Variants in A1CF observed in about 807,000 individuals in gnomAD.
A1CF encodes APOBEC-1 stimulating protein.
Under a neutral mutation model 68.9 loss-of-function variants are expected in A1CF, and 48 were observed. The ratio of observed to expected loss-of-function variants is 0.70; its 90% CI spans 0.55 to 0.89. A1CF has a LOEUF of 0.89. A1CF is among the 40% of genes least tolerant of loss of function. A1CF has a pLI of 0.00. For synonymous variants in A1CF, 272 were observed against 260.4 expected, an observed-to-expected ratio of 1.04 and a Z score of -0.43; for missense variants, 653 against 718.9, an observed-to-expected ratio of 0.91 and a Z score of 1.05.
rs1220510333 is a variant in A1CF, at chr10:50,809,993, T to A, written c.1510A>T (p.Thr504Ser). ...KLSAFVDEAK[T>S]YAAEYTLQTL... ...TGCAGGGTGTATTCGGCTGCATACG[T>A]CTTTGCTTCATCCACAAAGGCACTC... The change falls in exon 12 of 13, where the codon ACG becomes TCG. Residue 504 changes from threonine to serine, a missense_variant. By Grantham distance (58) the Thr-to-Ser change is moderately conservative (BLOSUM62 1). Transcript: ENST00000373997. 6.2e-7 allele frequency: 1 copy of A among 1,613,910 alleles called. No homozygotes were observed. The highest frequency in any genetic ancestry group is 1.3e-5 in the African/African-American group (1 of 74,926).
intron 1 of A1CF, among the ~76,000 whole-genome samples, chr10:50,872,910 G>A (rs1841337832): frequency 7.0e-6 from 1 of 143,136 alleles, no homozygotes; most frequent in African/African-American, 2.6e-5. Context: ...ATCTGGCTCA[G>A]CTTTCATGCT....
At chr10:50,879,279 A>G (rs969075409) in intron 1 of A1CF, among the ~76,000 whole-genome samples, 6 of 152,108 alleles carry the variant, frequency 3.9e-5, no homozygotes, top group Non-Finnish European at 8.8e-5. Context: ...TTCCATGGGG[A>G]AAAGGGTATG....
At chr10:50,823,791 G>C (rs747416508) in intron 7 of A1CF, among the ~76,000 whole-genome samples, 1 of 152,048 alleles carries the variant, frequency 6.6e-6, no homozygotes, top group Non-Finnish European at 1.5e-5. Flanking sequence ...ATTATCTTTT[G>C]TGTCTCTCAG....
intron 12 of A1CF, among the ~76,000 whole-genome samples, chr10:50,808,582 C>T (rs1837943856): frequency 6.6e-6 from 1 of 152,220 alleles, no homozygotes; most frequent in Non-Finnish European, 1.5e-5. Flanking sequence ...GCACTGGCTG[C>T]TGGCCCCACA....
At chr10:50,863,249 C>T in intron 2 of A1CF, among the ~76,000 whole-genome samples, 1 of 152,124 alleles carries the variant, frequency 6.6e-6, no homozygotes, top group Non-Finnish European at 1.5e-5. Context: ...AAAGTGTTGA[C>T]CTAGTCTAAG....
At position 50,811,073 on chromosome 10, in the gene A1CF, GTTAT is replaced by G; in HGVS notation, c.1423_1426del (p.Ile475LeufsTer5). 1.2e-6 allele frequency: 2 copies of G among 1,613,544 alleles called. No homozygotes were observed. Among genetic ancestry groups the G allele is most frequent in the Non-Finnish European group, 1.7e-6 (2 of 1,179,652 alleles). ...ATTCTGGCTGGCTAGAGCAGGAATA[GTTAT>G]TTTGTACAAGAATAGCTGTCTTTGG... On this transcript the variant is annotated frameshift_variant, in exon 11 of 13. Coordinates refer to ENST00000373997, the MANE Select transcript of A1CF (RefSeq NM_014576.4). LOFTEE classifies it high-confidence loss of function.
chr10:50,834,741 G>A (rs1839406712), intron 6 of A1CF, among the ~76,000 whole-genome samples: 1 of 152,124 alleles, frequency 6.6e-6, no homozygotes, highest in African/African-American at 2.4e-5. Flanking sequence ...TTAATCTGGT[G>A]GTAATGTTCA....
At chr10:50,861,043 A>C (rs1339332981) in intron 2 of A1CF, among the ~76,000 whole-genome samples, 2 of 152,130 alleles carry the variant, frequency 1.3e-5, no homozygotes, top group African/African-American at 4.8e-5. Flanking sequence ...TACTTTTGAA[A>C]ATTTTCTGTC....
chr10:50,829,188 C>T (rs930188710), intron 6 of A1CF, among the ~76,000 whole-genome samples: 1 of 152,024 alleles, frequency 6.6e-6, no homozygotes, highest in Non-Finnish European at 1.5e-5. Context: ...TTTCCCAGGC[C>T]TGTTCTACTT....
intron 7 of A1CF, among the ~76,000 whole-genome samples, chr10:50,824,706 A>G (rs995088030): frequency 6.6e-6 from 1 of 152,188 alleles, no homozygotes; most frequent in Non-Finnish European, 1.5e-5. Flanking sequence ...TGGAATAAGG[A>G]GGCGGCATGA....
At chr10:50,842,043 A>G (rs1839807870) in intron 4 of A1CF, 51 bp from the exon 5 acceptor site, 1 of 1,521,998 alleles carries the variant, frequency 6.6e-7, no homozygotes, top group Non-Finnish European at 9.0e-7. Context: ...GTACTTCTGA[A>G]TGTATGTGTG....
intron 3 of A1CF, among the ~76,000 whole-genome samples, chr10:50,852,117 A>G (rs1360018971): frequency 1.3e-5 from 2 of 152,234 alleles, no homozygotes; most frequent in African/African-American, 2.4e-5. Flanking sequence ...TTGGGTCATG[A>G]GGTCACACCA....
intron 7 of A1CF, among the ~76,000 whole-genome samples, chr10:50,821,807 G>C (rs144410996): frequency 0.012 from 1,857 of 152,220 alleles, 44 homozygotes; most frequent in African/African-American, 0.042. Context: ...AAAATGTTGA[G>C]ATTACAGGCA....
At chr10:50,849,314 T>C (rs1230915302) in intron 3 of A1CF, among the ~76,000 whole-genome samples, 1 of 152,230 alleles carries the variant, frequency 6.6e-6, no homozygotes, top group Non-Finnish European at 1.5e-5. Context: ...AAATCTGTTT[T>C]TAGACTGGAA....
intron 12 of A1CF, 84 bp downstream of exon 12, chr10:50,809,810 A>G: frequency 6.4e-7 from 1 of 1,570,582 alleles, no homozygotes; most frequent in Non-Finnish European, 8.6e-7. Flanking sequence ...GGGTACACAA[A>G]CATTTCTGTG....
In A1CF at chr10:50,845,911, G is replaced by A. The variant is rs117369718; in HGVS notation, c.100-1789C>T. Among the ~76,000 whole-genome samples, 121 of 148,610 alleles carry A rather than the reference G, an allele frequency of 8.1e-4. 3 individuals are homozygous for A. The East Asian group carries it at 0.021, about 26-fold the overall frequency. On this transcript the variant is annotated intron_variant, in intron 3 of 12. Transcript: ENST00000373997. ...AGAGGTTGCAGTGAACTGAGATGTT[G>A]TCACTGCACTCCCACCTGGGTGATA...
chr10:50,847,714 T>G lies in A1CF; in HGVS notation c.100-3592A>C, dbSNP rs186979461. On this transcript the variant is annotated intron_variant, in intron 3 of 12. Transcript: ENST00000373997. ...GCCTTCCTTGCAGCTGGGGCCATCA[T>G]GGTTATTGGAAAATCATGGTTTCCT... is the stretch of plus-strand genomic sequence containing the variant. 1.1e-3 allele frequency among the ~76,000 whole-genome samples: 166 copies of G among 152,292 alleles called. 1 individual carries two copies. Among genetic ancestry groups the G allele is most frequent in the African/African-American group, 3.9e-3 (160 of 41,552 alleles).
At chr10:50,814,145 A>T in intron 9 of A1CF, 107 bp from the exon 10 acceptor site, 1 of 1,203,162 alleles carries the variant, frequency 8.3e-7, no homozygotes, top group Admixed American at 2.1e-5. Context: ...AGTTAGCCCA[A>T]TTCACGTTGA....
intron 3 of A1CF, among the ~76,000 whole-genome samples, chr10:50,856,744 T>C (rs951835546): frequency 6.6e-6 from 1 of 152,132 alleles, no homozygotes; most frequent in African/African-American, 2.4e-5. Context: ...CTAGATGAGT[T>C]AATATACACA....
Sources: gnomAD v4.1 joint callset for allele counts (sites outside exome capture counted in the v4.1 genomes callset) on GRCh38, gnomAD v4.1.1 for gene constraint, MANE v1.5 for transcripts, NCBI Gene and HGNC (gene_info 2026-07-23, HGNC 2026-07-21) for gene names.